The following SLC15A1 variants were observed in gnomAD, a reference collection of about 807,000 sequenced individuals.
SLC15A1 encodes the protein Caco-2 oligopeptide transporter.
Under a neutral mutation model 92.9 loss-of-function variants are expected in SLC15A1, and 83 were observed. The ratio of observed to expected loss-of-function variants is 0.89; its 90% CI spans 0.75 to 1.07. The LOEUF is 1.07. Ranked by LOEUF, SLC15A1 falls within the 50% of genes least tolerant of loss-of-function variation. SLC15A1 has a pLI of 0.00. For missense variants in SLC15A1, 857 were observed against 880.1 expected, an observed-to-expected ratio of 0.97 and a Z score of 0.33; for synonymous variants, 322 against 318.2, an observed-to-expected ratio of 1.01 and a Z score of -0.13.
At chr13:98,747,910 A>G (rs952717912) in intron 1 of SLC15A1, among the ~76,000 whole-genome samples, 12 of 152,156 alleles carry the variant, frequency 7.9e-5, no homozygotes, top group Non-Finnish European at 1.5e-4. Flanking sequence ...AAAAAACCCA[A>G]GGGAATCGAA....
chr13:98,687,750 G>T lies in SLC15A1; in HGVS notation c.1684-26C>A, dbSNP rs755329758. On this transcript the variant is annotated intron_variant, in intron 20 of 22. Coordinates refer to ENST00000376503, the MANE Select transcript of SLC15A1 (RefSeq NM_005073.4). ...CTGCAGCAGTAAGGCAAAAGCAGAA[G>T]AAGTTGAGATAGCTTCTAAAATAAA... is the stretch of plus-strand genomic sequence containing the variant. 27 of 1,607,012 alleles carry T rather than the reference G, an allele frequency of 1.7e-5. 1 individual carries two copies. In the South Asian group the frequency reaches 3.0e-4, roughly 18 times the overall value.
Position 98,718,631 on chromosome 13 carries a change from G to A in SLC15A1, c.640+606C>T, listed in dbSNP as rs374039639. ...CAGGTGCTCGAGACCAGCCTGGCCA[G>A]CATGGTGAAACCCTGTTGCTACTAA... On this transcript the variant is annotated intron_variant, in intron 8 of 22. Transcript: ENST00000376503. Among the ~76,000 whole-genome samples the A allele has an allele frequency of 8.5e-5, 13 of 152,198 alleles. No individual in the cohort carries two copies. The East Asian group carries it at 2.1e-3, about 25-fold the overall frequency.
chr13:98,707,591 G>A (rs761083192), intron 15 of SLC15A1, among the ~76,000 whole-genome samples: 5 of 152,136 alleles, frequency 3.3e-5, no homozygotes, highest in Admixed American at 1.3e-4. Flanking sequence ...GGTACTTAAC[G>A]CTACTGAACT....
intron 8 of SLC15A1, among the ~76,000 whole-genome samples, chr13:98,718,857 G>A (rs2088231984): frequency 6.6e-6 from 1 of 152,200 alleles, no homozygotes; most frequent in South Asian, 2.1e-4. Flanking sequence ...TGCCTAGGCT[G>A]GACTTGAACT....
intron 9 of SLC15A1, among the ~76,000 whole-genome samples, chr13:98,713,006 T>A (rs140236237): frequency 1.3e-5 from 2 of 152,218 alleles, no homozygotes; most frequent in Non-Finnish European, 2.9e-5. Flanking sequence ...TTCTTCCATA[T>A]TGTCTTCAAA....
intron 18 of SLC15A1, among the ~76,000 whole-genome samples, chr13:98,701,435 C>A (rs1566445735): frequency 6.6e-6 from 1 of 152,050 alleles, no homozygotes; most frequent in African/African-American, 2.4e-5. Flanking sequence ...TCTTTTGGTA[C>A]AGTCCTGGGG....
At chr13:98,685,267 A>C (rs2087920867) in intron 22 of SLC15A1, among the ~76,000 whole-genome samples, 1 of 152,210 alleles carries the variant, frequency 6.6e-6, no homozygotes, top group Admixed American at 6.5e-5. Flanking sequence ...CACAAGGGAA[A>C]AATGAATATG....
intron 11 of SLC15A1, 139 bp downstream of exon 11, chr13:98,711,715 A>T (rs1282786458): frequency 3.3e-6 from 2 of 611,562 alleles, no homozygotes; most frequent in Non-Finnish European, 5.8e-6. Flanking sequence ...ATGTGATCTA[A>T]CAATTAAACA....
chr13:98,714,475 G>A lies in SLC15A1; in HGVS notation c.723+1403C>T, dbSNP rs575161876. The stretch of plus-strand genomic sequence containing the variant: ...GGTTTGAGACCAGCCTGGCCAACAT[G>A]GCAAACCCTGTCTCTACAGAAATAG... On this transcript the variant is annotated intron_variant, in intron 9 of 22. Coordinates refer to ENST00000376503, the MANE Select transcript of SLC15A1 (RefSeq NM_005073.4). Among the ~76,000 whole-genome samples the A allele has an allele frequency of 1.7e-4, 26 of 152,062 alleles. No homozygotes were observed. In the East Asian group the frequency reaches 5.0e-3, roughly 29 times the overall value.
intron 1 of SLC15A1, among the ~76,000 whole-genome samples, chr13:98,744,748 C>CAAAAA (rs5806073): frequency 1.2e-5 from 1 of 82,374 alleles, no homozygotes; most frequent in Admixed American, 1.4e-4. Context: ...GATTCCATCT[C>CAAAAA]AAAAAAAAAA....
chr13:98,706,797 G>A lies in SLC15A1; in HGVS notation c.1150-544C>T, dbSNP rs9554497. ...GGGTACGTCTTTATCAGCAGCATGAGAATGGACTAATACGTGAACGAGTCA... is the reference window on the plus strand; with the variant it reads ...GGGTACGTCTTTATCAGCAGCATGAAAATGGACTAATACGTGAACGAGTCA... On this transcript the variant is annotated intron_variant, in intron 15 of 22. Transcript: ENST00000376503. 3.0e-4 allele frequency among the ~76,000 whole-genome samples: 45 copies of A among 152,258 alleles called. No homozygotes were observed. In the East Asian group the frequency reaches 8.7e-3, roughly 29 times the overall value.
Position 98,733,758 on chromosome 13 carries a change from G to C in SLC15A1, c.5-6899C>G, listed in dbSNP as rs79598051. 7.3e-3 allele frequency among the ~76,000 whole-genome samples: 1,118 copies of C among 152,308 alleles called. 6 individuals are homozygous for C. The highest frequency in any genetic ancestry group is 0.034 in the Middle Eastern group (10 of 294). On this transcript the variant is annotated intron_variant, in intron 1 of 22. Transcript: ENST00000376503. The stretch of plus-strand genomic sequence containing the variant: ...ATATTCCTCCTAGCCATGTGGCCTT[G>C]ATCAAGGTGCTTACCCTCTGGGCTT...
At position 98,709,677 on chromosome 13, in the gene SLC15A1, G is replaced by A; in HGVS notation, c.979-17C>T. The A allele has an allele frequency of 6.2e-7, 1 of 1,614,168 alleles. No individual in the cohort carries two copies. The highest frequency in any genetic ancestry group is 8.5e-7 in the Non-Finnish European group (1 of 1,180,026). ...GTTCACGGTCTGCAGAGGAAGTGGA[G>A]GAGAAATGTTAAGCTTGTCTCAAAG... is the stretch of plus-strand genomic sequence containing the variant. On this transcript the variant is annotated splice_polypyrimidine_tract_variant and intron_variant, in intron 13 of 22. Coordinates refer to ENST00000376503, the MANE Select transcript of SLC15A1 (RefSeq NM_005073.4).
At chr13:98,713,254 G>T (rs896110521) in intron 9 of SLC15A1, among the ~76,000 whole-genome samples, 4 of 151,732 alleles carry the variant, frequency 2.6e-5, no homozygotes, top group African/African-American at 7.3e-5. Flanking sequence ...TGGAGACAGG[G>T]TTTTGCCATT....
At chr13:98,713,126 G>C (rs1876916733) in intron 9 of SLC15A1, among the ~76,000 whole-genome samples, 1 of 152,086 alleles carries the variant, frequency 6.6e-6, no homozygotes, top group Non-Finnish European at 1.5e-5. Flanking sequence ...GCACTGTCTT[G>C]GCTCACTGGA....
At chr13:98,688,091 A>T (rs1243446253) in intron 20 of SLC15A1, among the ~76,000 whole-genome samples, 157 bp downstream of exon 20, 1 of 152,240 alleles carries the variant, frequency 6.6e-6, no homozygotes, top group African/African-American at 2.4e-5. Context: ...GTCATCAATA[A>T]GTTAAAGAAT....
chr13:98,720,408 A>G (rs2088247692), intron 7 of SLC15A1: 2 of 152,360 alleles, frequency 1.3e-5, no homozygotes, highest in African/African-American at 4.8e-5. Flanking sequence ...AGGACACACG[A>G]ATAAAAGCTG....
chr13:98,685,339 A>G (rs981579967), intron 22 of SLC15A1, among the ~76,000 whole-genome samples: 1 of 152,216 alleles, frequency 6.6e-6, no homozygotes, highest in African/African-American at 2.4e-5. Flanking sequence ...GCTCATAAGC[A>G]CACAGCATTA....
rs2087920409 is a variant in SLC15A1 at position 98,685,172 on chromosome 13, G to A, written c.1936-257C>T. On this transcript the variant is annotated intron_variant, in intron 22 of 22. Coordinates refer to ENST00000376503, the MANE Select transcript of SLC15A1 (RefSeq NM_005073.4). ...CAGAAACAACAGACTTTGGGAAGAT[G>A]AGAGAAAATTTCTGAAATACTGAAG... 5.9e-5 allele frequency among the ~76,000 whole-genome samples: 9 copies of A among 152,310 alleles called. No homozygotes were observed. In the South Asian group the frequency reaches 1.7e-3, roughly 28 times the overall value.
Sources: allele counts gnomAD v4.1 joint callset (sites outside exome capture counted in the v4.1 genomes callset), GRCh38; gene constraint gnomAD v4.1.1; transcripts MANE v1.5; gene names NCBI Gene and HGNC (gene_info 2026-07-23, HGNC 2026-07-21).